The following SHC3 variants were observed in gnomAD, a reference collection of about 807,000 sequenced individuals.
The protein encoded by SHC3 is SHC-transforming protein 3.
In SHC3, 15 loss-of-function variants were observed where a neutral mutation model predicts 60.4. The ratio of observed to expected loss-of-function variants is 0.25; its 90% CI spans 0.17 to 0.38. The LOEUF (loss-of-function observed/expected upper bound fraction) is 0.38, where lower values mean the gene tolerates loss of function less well. SHC3 is among the 10% of genes least tolerant of loss of function. SHC3 has a pLI of 1.00. For synonymous variants in SHC3, 294 were observed against 325.9 expected (o/e 0.90, Z 1.05); for missense variants, 677 against 786.1 (o/e 0.86, Z 1.66).
intron 6 of SHC3, among the ~76,000 whole-genome samples, chr9:89,063,361 C>T (rs1008372543): frequency 1.1e-4 from 16 of 152,230 alleles, no homozygotes; most frequent in African/African-American, 3.6e-4. Flanking sequence ...GTCTTCTGAC[C>T]TCATGATCTG....
intron 6 of SHC3, among the ~76,000 whole-genome samples, chr9:89,057,219 A>G (rs145208040): frequency 6.6e-6 from 1 of 152,318 alleles, no homozygotes; most frequent in Non-Finnish European, 1.5e-5. Context: ...ATTCTACCAG[A>G]GAGACGAGGG....
At chr9:89,022,698 T>C (rs978938235) in intron 11 of SHC3, among the ~76,000 whole-genome samples, 3 of 152,160 alleles carry the variant, frequency 2.0e-5, no homozygotes, top group Non-Finnish European at 4.4e-5. Flanking sequence ...AACATGCTTA[T>C]AGCAACACCT....
intron 1 of SHC3, among the ~76,000 whole-genome samples, chr9:89,123,756 C>T (rs1826124430): frequency 6.6e-6 from 1 of 152,120 alleles, no homozygotes; most frequent in Non-Finnish European, 1.5e-5. Flanking sequence ...GGATAATTAA[C>T]CCTGGTGATT....
chr9:89,158,865 C>T (rs1587761336), intron 1 of SHC3, among the ~76,000 whole-genome samples: 1 of 152,234 alleles, frequency 6.6e-6, no homozygotes, highest in East Asian at 1.9e-4. Context: ...TACCCTACCA[C>T]TCTGTAGTGT....
chr9:89,038,325 C>T, intron 10 of SHC3, 37 bp from the exon 11 acceptor site: 2 of 1,483,820 alleles, frequency 1.3e-6, no homozygotes, highest in Non-Finnish European at 1.8e-6. Context: ...CAAGTCAATC[C>T]CAAGAAGAGC....
rs542946425 is a variant in SHC3, at chr9:89,136,667, C to T, written c.475-24041G>A. On this transcript the variant is annotated intron_variant, in intron 1 of 11. Coordinates refer to ENST00000375835, the MANE Select transcript of SHC3 (RefSeq NM_016848.6). The stretch of plus-strand genomic sequence containing the variant: ...GAAATGGGCAACCAGCAGCCGTTGG[C>T]GCTGCTCTGCCTACGGAGTAGCCAT... 2.8e-4 allele frequency among the ~76,000 whole-genome samples: 43 copies of T among 152,300 alleles called. No homozygotes were observed. In the South Asian group the frequency reaches 6.6e-3, roughly 23 times the overall value.
At chr9:89,069,219 G>A (rs935629211) in intron 5 of SHC3, among the ~76,000 whole-genome samples, 2 of 152,160 alleles carry the variant, frequency 1.3e-5, no homozygotes, top group Admixed American at 1.3e-4. Flanking sequence ...TGAGGTGAGA[G>A]GATCACTTAA....
chr9:89,066,775 C>G (rs1434973204), intron 5 of SHC3, among the ~76,000 whole-genome samples: 1 of 152,170 alleles, frequency 6.6e-6, no homozygotes, highest in African/African-American at 2.4e-5. Context: ...CCACTGTTTT[C>G]TCTATGGGCA....
intron 2 of SHC3, among the ~76,000 whole-genome samples, chr9:89,096,222 A>G (rs1564139841): frequency 6.6e-6 from 1 of 152,226 alleles, no homozygotes; most frequent in Non-Finnish European, 1.5e-5. Flanking sequence ...TCTACTAAGT[A>G]GGCATGAGAT....
chr9:89,162,451 T>G (rs557777943), intron 1 of SHC3, among the ~76,000 whole-genome samples: 11,059 of 151,452 alleles, frequency 0.073, 530 homozygotes, highest in Middle Eastern at 0.14. Context: ...TATCTACAAC[T>G]ATCTGATCTT....
chr9:89,131,975 G>A (rs942797003), intron 1 of SHC3, among the ~76,000 whole-genome samples: 16 of 152,138 alleles, frequency 1.1e-4, no homozygotes, highest in African/African-American at 2.9e-4. Context: ...AATTGTCCCC[G>A]TTTGCAGATG....
intron 11 of SHC3, among the ~76,000 whole-genome samples, chr9:89,027,145 T>C (rs545397708): frequency 1.3e-5 from 2 of 152,216 alleles, no homozygotes; most frequent in African/African-American, 4.8e-5. Context: ...CAGCTCTGAG[T>C]TCCCCTGGGG....
At position 89,178,344 on chromosome 9, in the gene SHC3, C is replaced by G; in HGVS notation, c.117G>C (p.Ala39=). The part of the protein sequence containing the change: ...GGGGKVSAAR[A]TPAAAPYLVS... ...CCAAGTAGGGAGCCGCCGCCGGGGT[C>G]GCGCGCGCCGCCGAAACCTTGCCTC... Residue 39 remains alanine, a synonymous_variant, in exon 1 of 12, where the codon GCG becomes GCC. Transcript: ENST00000375835. The surrounding 1 kb of genome is among the most constrained non-coding windows in gnomAD (Gnocchi z 6.9). 6.3e-7 allele frequency: 1 copy of G among 1,594,430 alleles called. No homozygotes were observed.
chr9:89,173,554 T>A (rs1164712616), intron 1 of SHC3, among the ~76,000 whole-genome samples: 1 of 152,248 alleles, frequency 6.6e-6, no homozygotes, highest in African/African-American at 2.4e-5. Context: ...ATTGGGTATT[T>A]CTAGAAATAT....
At position 89,013,387 on chromosome 9, in the gene SHC3, T is replaced by G. The variant is rs1445531683; in HGVS notation, c.*60A>C. The G allele has an allele frequency of 7.0e-7, 1 of 1,418,946 alleles. No individual in the cohort carries two copies. The highest frequency in any genetic ancestry group is 9.3e-7 in the Non-Finnish European group (1 of 1,079,382). 87.9% of individuals were successfully genotyped at this position (1,418,946 alleles called of 1,614,324 possible). ...CTGTCCCAGTTCCAGCAGCCCCGAT[T>G]CTAGTCCACTCCAGGTCCTCCTGAC... On this transcript the variant is annotated 3_prime_UTR_variant, in exon 12 of 12. Coordinates refer to ENST00000375835, the MANE Select transcript of SHC3 (RefSeq NM_016848.6).
chr9:89,080,807 C>G (rs1825433976), intron 2 of SHC3, among the ~76,000 whole-genome samples: 1 of 145,892 alleles, frequency 6.9e-6, no homozygotes, highest in South Asian at 2.2e-4. Context: ...TGCTCTTTCA[C>G]CCAGGCTGGA....
chr9:89,154,034 G>A (rs1826585774), intron 1 of SHC3, among the ~76,000 whole-genome samples: 1 of 152,080 alleles, frequency 6.6e-6, no homozygotes, highest in African/African-American at 2.4e-5. Context: ...CCATATGACA[G>A]GCATCATCCA....
chr9:89,167,342 A>T (rs1826804121), intron 1 of SHC3, among the ~76,000 whole-genome samples: 1 of 152,190 alleles, frequency 6.6e-6, no homozygotes, highest in South Asian at 2.1e-4. Context: ...CTTCTTACAA[A>T]TAACAATCCT....
intron 1 of SHC3, among the ~76,000 whole-genome samples, chr9:89,125,710 GCTA>G (rs1406442639): frequency 6.6e-5 from 10 of 152,118 alleles, no homozygotes; most frequent in Non-Finnish European, 1.3e-4. Context: ...TGTCCTCACT[GCTA>G]CATTCCCACC....
Sources: allele counts gnomAD v4.1 joint callset (sites outside exome capture counted in the v4.1 genomes callset), GRCh38; gene constraint gnomAD v4.1.1; non-coding constraint Gnocchi (gnomAD v3.1); transcripts MANE v1.5; gene names NCBI Gene and HGNC (gene_info 2026-07-23, HGNC 2026-07-21).